The following PLCXD2 variants were observed in gnomAD, a reference collection of about 807,000 sequenced individuals.
The protein encoded by PLCXD2 is phosphatidylinositol specific phospholipase C X domain containing 2.
A neutral mutation model predicts 28.6 loss-of-function variants in PLCXD2; 21 were observed. The ratio of observed to expected loss-of-function variants is 0.73; its 90% confidence interval spans 0.52 to 1.06. The LOEUF (loss-of-function observed/expected upper bound fraction) is 1.06, where lower values mean the gene tolerates loss of function less well. Among genes scored for constraint, PLCXD2 ranks in the 50% least tolerant of loss-of-function variants. PLCXD2 has a pLI of 0.00. For missense variants in PLCXD2, 369 were observed against 376.7 expected (o/e 0.98, Z 0.17); for synonymous variants, 140 against 150.1 (o/e 0.93, Z 0.49).
intron 1 of PLCXD2, among the ~76,000 whole-genome samples, chr3:111,679,294 G>C (rs1168557172): frequency 6.6e-6 from 1 of 152,054 alleles, no homozygotes; most frequent in African/African-American, 2.4e-5. Context: ...AGGTGGAATG[G>C]GGGTATATGG....
At chr3:111,717,676 C>T (rs1941286585) in intron 3 of PLCXD2, among the ~76,000 whole-genome samples, 1 of 152,208 alleles carries the variant, frequency 6.6e-6, no homozygotes, top group Non-Finnish European at 1.5e-5. Flanking sequence ...GCTGCAGTGA[C>T]TGGAGTTACA....
chr3:111,716,629 C>G (rs77563001), intron 3 of PLCXD2, among the ~76,000 whole-genome samples: 1,876 of 152,196 alleles, frequency 0.012, 38 homozygotes, highest in African/African-American at 0.042. Context: ...TCCATGAACT[C>G]TATAAGGGAA....
rs187628909 is a variant in PLCXD2, at chr3:111,675,442, T to C, written c.163+34T>C. On this transcript the variant is annotated intron_variant, in intron 1 of 4. Transcript: ENST00000477665. ...CTATTCCTACTTGTTCCCACTGTGT[T>C]TAATTCTGCCATTTTAGTGTTGTTA... 26 of 1,611,302 alleles carry C rather than the reference T, an allele frequency of 1.6e-5. No individual in the cohort carries two copies. In the African/African-American group the frequency reaches 2.9e-4, roughly 18 times the overall value.
In PLCXD2 at chr3:111,678,228, G is replaced by A. The variant is rs552356873; in HGVS notation, c.163+2820G>A. On this transcript the variant is annotated intron_variant, in intron 1 of 4. Transcript: ENST00000477665. ...AGCCTTGATGTATTATTTTACTTCC[G>A]CAACTGTTAAGAACACCTGTTAATG... is the stretch of plus-strand genomic sequence containing the variant. Among the ~76,000 whole-genome samples the A allele has an allele frequency of 9.9e-5, 15 of 152,256 alleles. No individual in the cohort carries two copies. In the East Asian group the frequency reaches 2.1e-3, roughly 22 times the overall value.
intron 1 of PLCXD2, among the ~76,000 whole-genome samples, chr3:111,695,123 G>A (rs1242173554): frequency 1.5e-5 from 2 of 136,574 alleles, no homozygotes; most frequent in Non-Finnish European, 3.1e-5. Context: ...GAGATAATGT[G>A]TTTGAGGGCC....
chr3:111,720,721 A>G lies in PLCXD2; in HGVS notation c.866+6593A>G. 1 of 416,856 alleles carries G rather than the reference A, an allele frequency of 2.4e-6. No individual in the cohort carries two copies. Among genetic ancestry groups the G allele is most frequent in the Non-Finnish European group, 4.4e-6 (1 of 226,360 alleles). 25.8% of individuals were successfully genotyped at this position (416,856 alleles called of 1,614,324 possible). On this transcript the variant is annotated intron_variant, in intron 3 of 4. Transcript: ENST00000477665. ...CTTCCTCCAACACTTTCCTCTGTAT[A>G]GGAATCTTCCTGCCATCCTGGACTG... is the stretch of plus-strand genomic sequence containing the variant.
intron 1 of PLCXD2, among the ~76,000 whole-genome samples, chr3:111,697,996 A>G (rs1940986526): frequency 6.6e-6 from 1 of 152,166 alleles, no homozygotes; most frequent in South Asian, 2.1e-4. Flanking sequence ...AAAATAAATG[A>G]CTTAAACTAC....
At chr3:111,698,927 A>G (rs1213352104) in intron 1 of PLCXD2, among the ~76,000 whole-genome samples, 1 of 152,220 alleles carries the variant, frequency 6.6e-6, no homozygotes. Context: ...TAGAAGAATA[A>G]GATTTTTCAC....
At chr3:111,710,169 C>G (rs1941181308) in intron 2 of PLCXD2, among the ~76,000 whole-genome samples, 1 of 152,156 alleles carries the variant, frequency 6.6e-6, no homozygotes, top group South Asian at 2.1e-4. Context: ...ACCACGGAGG[C>G]TTCATGAGTT....
In PLCXD2 at chr3:111,714,090, G is replaced by A. The variant is rs761278099; in HGVS notation, c.828G>A (p.Arg276=). ...CCCCCAGAGTGAAGACCATTGCCCGGGGCTTGGTTGGGGGCCTCAAGAACA... is the reference window on the plus strand; with the variant it reads ...CCCCCAGAGTGAAGACCATTGCCCGAGGCTTGGTTGGGGGCCTCAAGAACA... Residue 276 remains arginine, a synonymous_variant, in exon 3 of 5, where the codon CGG becomes CGA. Transcript: ENST00000477665. 6 of 1,614,094 alleles carry A rather than the reference G, an allele frequency of 3.7e-6. No individual in the cohort carries two copies. The South Asian group carries it at 5.5e-5, about 15-fold the overall frequency.
chr3:111,716,249 T>A (rs572704052), intron 3 of PLCXD2, among the ~76,000 whole-genome samples: 1 of 152,358 alleles, frequency 6.6e-6, no homozygotes, highest in South Asian at 2.1e-4. Context: ...TGGCTGTCAT[T>A]TCCTCTGGGC....
chr3:111,716,473 C>CAAAT (rs759967307), intron 3 of PLCXD2, among the ~76,000 whole-genome samples: 2 of 152,104 alleles, frequency 1.3e-5, no homozygotes, highest in Non-Finnish European at 2.9e-5. Context: ...GGTTCAACAC[C>CAAAT]GTAGAAGGAA....
At chr3:111,705,674 T>C (rs1443748479) in intron 1 of PLCXD2, among the ~76,000 whole-genome samples, 1 of 151,922 alleles carries the variant, frequency 6.6e-6, no homozygotes, top group Non-Finnish European at 1.5e-5. Context: ...TTATTTTTTG[T>C]CTTTTTTGTT....
chr3:111,683,978 C>G (rs576152215), intron 1 of PLCXD2, among the ~76,000 whole-genome samples: 2 of 152,142 alleles, frequency 1.3e-5, no homozygotes, highest in South Asian at 4.1e-4. Flanking sequence ...TATGGTTGTA[C>G]TGTGGGTTGC....
At chr3:111,684,627 C>G (rs1940766410) in intron 1 of PLCXD2, among the ~76,000 whole-genome samples, 1 of 151,682 alleles carries the variant, frequency 6.6e-6, no homozygotes, top group Non-Finnish European at 1.5e-5. Context: ...GCACTCCAGC[C>G]TGGGCGACGG....
intron 2 of PLCXD2, among the ~76,000 whole-genome samples, chr3:111,710,640 T>G (rs1215574106): frequency 1.3e-5 from 2 of 152,346 alleles, no homozygotes; most frequent in Admixed American, 1.3e-4. Context: ...GGCACATTGG[T>G]GTTTTTCACA....
rs894185946 is a variant in PLCXD2 at position 111,702,888 on chromosome 3, A to G, written c.164-5038A>G. Among the ~76,000 whole-genome samples the G allele has an allele frequency of 2.0e-5, 3 of 152,352 alleles. No individual in the cohort carries two copies. The East Asian group carries it at 5.8e-4, about 29-fold the overall frequency. ...TTTGATAGTGAATTTGAATTATAAA[A>G]TATTAGGATTTTCTATTTGTAAGTA... On this transcript the variant is annotated intron_variant, in intron 1 of 4. Coordinates refer to ENST00000477665, the MANE Select transcript of PLCXD2 (RefSeq NM_001185106.1).
intron 2 of PLCXD2, among the ~76,000 whole-genome samples, chr3:111,709,417 T>A (rs1013439296): frequency 6.6e-6 from 1 of 151,900 alleles, no homozygotes; most frequent in Non-Finnish European, 1.5e-5. Flanking sequence ...TGTCTGTGTG[T>A]CACATATATA....
chr3:111,682,006 G>A (rs1016250786), intron 1 of PLCXD2, among the ~76,000 whole-genome samples: 1 of 152,228 alleles, frequency 6.6e-6, no homozygotes, highest in African/African-American at 2.4e-5. Context: ...GCCTGCAGAG[G>A]AGGGATTATT....
Sources: gnomAD v4.1 joint callset for allele counts (sites outside exome capture counted in the v4.1 genomes callset) on GRCh38, gnomAD v4.1.1 for gene constraint, MANE v1.5 for transcripts, NCBI Gene and HGNC (gene_info 2026-07-23, HGNC 2026-07-21) for gene names.